Variants in VPS8 observed in about 807,000 individuals in gnomAD.
The protein encoded by VPS8 is vacuolar protein sorting-associated protein 8 homolog.
Under a neutral mutation model 216.4 loss-of-function variants are expected in VPS8, and 129 were observed. The observed-to-expected ratio is 0.60, with a 90% CI of 0.52 to 0.69. VPS8 has a LOEUF of 0.69. Ranked by LOEUF, VPS8 falls within the 30% of genes least tolerant of loss-of-function variation. VPS8 has a pLI of 0.00. For missense variants in VPS8, 1,531 were observed against 1,683.5 expected (o/e 0.91, Z 1.59); for synonymous variants, 571 against 565.4 (o/e 1.01, Z -0.14).
chr3:184,935,069 T>C (rs1741359978), intron 34 of VPS8, among the ~76,000 whole-genome samples: 1 of 152,118 alleles, frequency 6.6e-6, no homozygotes, highest in South Asian at 2.1e-4. Context: ...GGCTCATGCC[T>C]GTAATTCCAG....
chr3:184,880,599 G>A (rs1374055002), intron 21 of VPS8, among the ~76,000 whole-genome samples: 1 of 152,112 alleles, frequency 6.6e-6, no homozygotes, highest in East Asian at 1.9e-4. Context: ...TCCAGTTTGG[G>A]GCTGTTAAAA....
At chr3:184,870,315 T>C (rs1437095138) in intron 20 of VPS8, among the ~76,000 whole-genome samples, 1 of 152,112 alleles carries the variant, frequency 6.6e-6, no homozygotes, top group Non-Finnish European at 1.5e-5. Flanking sequence ...AATGCATTGG[T>C]AAAAATTATA....
chr3:184,996,259 C>A, intron 43 of VPS8, 73 bp from the exon 44 acceptor site: 1 of 1,454,868 alleles, frequency 6.9e-7, no homozygotes, highest in South Asian at 1.5e-5. Flanking sequence ...AAGTGCTATT[C>A]ACCATTCATC....
intron 45 of VPS8, among the ~76,000 whole-genome samples, chr3:185,019,549 TG>T (rs909629675): frequency 1.3e-5 from 2 of 152,194 alleles, no homozygotes; most frequent in African/African-American, 4.8e-5. Context: ...AATAAAGGGA[TG>T]GGTCTGGCTA....
intron 45 of VPS8, among the ~76,000 whole-genome samples, chr3:185,023,368 C>T (rs1756917496): frequency 6.6e-6 from 1 of 152,088 alleles, no homozygotes; most frequent in South Asian, 2.1e-4. Flanking sequence ...TATGGGATGA[C>T]CCTTTTTGGA....
intron 15 of VPS8, among the ~76,000 whole-genome samples, chr3:184,860,577 T>C (rs1726165813): frequency 6.6e-6 from 1 of 152,150 alleles, no homozygotes; most frequent in Admixed American, 6.5e-5. Context: ...TTTCAGTCTA[T>C]GTCCTGCTGA....
intron 3 of VPS8, among the ~76,000 whole-genome samples, chr3:184,828,962 C>T (rs900274444): frequency 1.3e-5 from 2 of 152,294 alleles, no homozygotes; most frequent in Admixed American, 6.5e-5. Flanking sequence ...CTGCTTTGAA[C>T]TTTATATAAA....
chr3:184,953,631 A>G (rs1200986701), intron 36 of VPS8, among the ~76,000 whole-genome samples: 2 of 152,148 alleles, frequency 1.3e-5, no homozygotes, highest in Non-Finnish European at 2.9e-5. Context: ...GTTTCAGAAA[A>G]ACAACTCAGG....
intron 21 of VPS8, among the ~76,000 whole-genome samples, chr3:184,877,544 C>T (rs1302171574): frequency 6.6e-6 from 1 of 152,158 alleles, no homozygotes; most frequent in Non-Finnish European, 1.5e-5. Flanking sequence ...TGATGGCTAT[C>T]TTATTTAGTC....
At chr3:184,933,076 G>A (rs1056920046) in intron 34 of VPS8, among the ~76,000 whole-genome samples, 2 of 152,208 alleles carry the variant, frequency 1.3e-5, no homozygotes, top group African/African-American at 4.8e-5. Flanking sequence ...AACTCTGGGG[G>A]TGAGGCCCAG....
chr3:184,919,468 A>G (rs969034233), intron 28 of VPS8, among the ~76,000 whole-genome samples: 4 of 152,142 alleles, frequency 2.6e-5, no homozygotes, highest in African/African-American at 9.7e-5. Context: ...GTTTTTTGTG[A>G]CACGCTGTTA....
At chr3:184,952,826 T>C (rs1157097676) in intron 36 of VPS8, among the ~76,000 whole-genome samples, 1 of 152,186 alleles carries the variant, frequency 6.6e-6, no homozygotes, top group African/African-American at 2.4e-5. Context: ...AGGTGGTGTT[T>C]AGTGTTTAGG....
intron 21 of VPS8, chr3:184,885,906 G>A (rs1472908023): frequency 6.0e-6 from 3 of 500,892 alleles, no homozygotes; most frequent in Non-Finnish European, 1.1e-5. Context: ...AACATATTTA[G>A]GGTACATTTC....
In VPS8 at chr3:184,826,222, A is replaced by G; in HGVS notation, c.213A>G (p.Ile71Met). 6.2e-7 allele frequency: 1 copy of G among 1,609,554 alleles called. No individual in the cohort carries two copies. The highest frequency in any genetic ancestry group is 2.2e-5 in the East Asian group (1 of 44,808). ...ATACTCCTCCAACACTGGAAAGCAT[A>G]CTAAATGAGGTAAGTGAATATTAAT... ...QVDTPPTLES[I>M]LNETDDEDES... The change falls in exon 3 of 48, where the codon ATA becomes ATG. Residue 71 changes from isoleucine to methionine, a missense_variant. This residue lies in a region of VPS8 where 199 missense variants were observed against 182.2 expected (regional missense o/e 1.09). Transcript: ENST00000625842.
At chr3:184,964,058 A>G (rs1481471579) in intron 37 of VPS8, among the ~76,000 whole-genome samples, 1 of 151,656 alleles carries the variant, frequency 6.6e-6, no homozygotes, top group Non-Finnish European at 1.5e-5. Flanking sequence ...TTTTTTACTA[A>G]TTAGAGATTT....
chr3:184,844,703 C>T (rs1722805866), intron 8 of VPS8, among the ~76,000 whole-genome samples: 1 of 151,012 alleles, frequency 6.6e-6, no homozygotes, highest in Non-Finnish European at 1.5e-5. Context: ...ATTCTTAAGT[C>T]CAGAATATGC....
intron 46 of VPS8, among the ~76,000 whole-genome samples, chr3:185,031,196 A>G (rs1017868528): frequency 6.6e-6 from 1 of 151,704 alleles, no homozygotes; most frequent in Non-Finnish European, 1.5e-5. Context: ...TAGTTTCACA[A>G]AAGTCAAGGG....
At chr3:185,051,302 G>A (rs1369153346) in intron 47 of VPS8, among the ~76,000 whole-genome samples, 1 of 152,122 alleles carries the variant, frequency 6.6e-6, no homozygotes, top group Admixed American at 6.5e-5. Context: ...GAGCAAAGAG[G>A]ACTCACTTGA....
intron 1 of VPS8, among the ~76,000 whole-genome samples, chr3:184,820,324 G>A (rs1163125811): frequency 6.6e-6 from 1 of 152,130 alleles, no homozygotes. Context: ...TGGCTCCTGA[G>A]CCCTGTTCTC....
Sources: allele counts gnomAD v4.1 joint callset (sites outside exome capture counted in the v4.1 genomes callset), GRCh38; gene constraint gnomAD v4.1.1; regional missense constraint gnomAD v4.1.1; transcripts MANE v1.5; gene names NCBI Gene and HGNC (gene_info 2026-07-23, HGNC 2026-07-21).